EGFLAM: variants seen among roughly 807,000 people sequenced by gnomAD.
EGFLAM encodes pikachurin.
A neutral mutation model predicts 113.1 loss-of-function variants in EGFLAM; 79 were observed. The ratio of observed to expected loss-of-function variants is 0.70; its 90% CI spans 0.58 to 0.84. The LOEUF (loss-of-function observed/expected upper bound fraction) is 0.84. Among genes scored for constraint, EGFLAM ranks in the 40% least tolerant of loss-of-function variants. The pLI, the probability that EGFLAM is intolerant of heterozygous loss-of-function variation, is 0.00. For missense variants in EGFLAM, 1,265 were observed against 1,291.6 expected (o/e 0.98, Z 0.32); for synonymous variants, 504 against 487.6 (o/e 1.03, Z -0.44).
At chr5:38,383,623 G>GC (rs561336156) in intron 6 of EGFLAM, among the ~76,000 whole-genome samples, 3 of 152,092 alleles carry the variant, frequency 2.0e-5, no homozygotes, top group Non-Finnish European at 4.4e-5. Flanking sequence ...TAGTGTCTCC[G>GC]CCCTCATGAG....
intron 1 of EGFLAM, among the ~76,000 whole-genome samples, chr5:38,326,800 T>C (rs1435633971): frequency 7.1e-6 from 1 of 141,046 alleles, no homozygotes; most frequent in African/African-American, 2.6e-5. Context: ...CCCGTAAGGG[T>C]ATTTTTTTTT....
intron 17 of EGFLAM, among the ~76,000 whole-genome samples, chr5:38,442,215 A>G (rs1206717743): frequency 6.6e-6 from 1 of 151,564 alleles, no homozygotes; most frequent in Non-Finnish European, 1.5e-5. Context: ...TTAATAAAAC[A>G]CATAAATTAT....
intron 1 of EGFLAM, among the ~76,000 whole-genome samples, chr5:38,324,622 G>A (rs1738830390): frequency 6.6e-6 from 1 of 151,970 alleles, no homozygotes; most frequent in Non-Finnish European, 1.5e-5. Context: ...CAATCCAATG[G>A]CCCCAGCCTT....
chr5:38,289,273 C>A (rs1267668607), intron 1 of EGFLAM, among the ~76,000 whole-genome samples: 1 of 149,170 alleles, frequency 6.7e-6, no homozygotes, highest in South Asian at 2.1e-4. Context: ...CTTTCTTTCC[C>A]CGCCCCCACA....
intron 11 of EGFLAM, among the ~76,000 whole-genome samples, chr5:38,413,981 CG>C (rs1741565517): frequency 6.6e-6 from 1 of 152,168 alleles, no homozygotes; most frequent in Non-Finnish European, 1.5e-5. Flanking sequence ...TGACAGAAGA[CG>C]GAGCTCAGGC....
intron 1 of EGFLAM, among the ~76,000 whole-genome samples, chr5:38,296,663 A>G (rs1040748804): frequency 3.3e-5 from 5 of 151,646 alleles, no homozygotes; most frequent in Middle Eastern, 3.2e-3. Flanking sequence ...GCACCCAAAT[A>G]TATTTATTAA....
rs202176859 is a variant in EGFLAM, at chr5:38,435,194, T to C, written c.2224T>C (p.Tyr742His). The C allele has an allele frequency of 1.1e-5, 18 of 1,614,102 alleles. No homozygotes were observed. The highest frequency in any genetic ancestry group is 1.6e-4 in the Middle Eastern group (1 of 6,062). ...CATTTTCATTGGCGGAGTCCCCAAT[T>C]ATGATGATGTGAAGAAGAACTCGGG... ...TDIFIGGVPNYDDVKKNSGVL... is the reference protein window; with the variant it reads ...TDIFIGGVPNHDDVKKNSGVL... The change falls in exon 16 of 22, where the codon TAT (tyrosine) becomes CAT (histidine). Residue 742 changes from tyrosine to histidine, a missense_variant. Coordinates refer to ENST00000322350, the MANE Select transcript of EGFLAM (RefSeq NM_152403.4).
At position 38,445,690 on chromosome 5, in the gene EGFLAM, T is replaced by C. The variant is rs778276251; in HGVS notation, c.2465-2611T>C. ...CTGGCACCGGGCAGAGTGTGGGAAC[T>C]ACTGCCTCAATAGTAAGTACAGTAA... is the stretch of plus-strand genomic sequence containing the variant. On this transcript the variant is annotated intron_variant, in intron 17 of 21. Transcript: ENST00000322350. 6.3e-6 allele frequency: 10 copies of C among 1,598,320 alleles called. No homozygotes were observed. In the Admixed American group the frequency reaches 1.7e-4, roughly 27 times the overall value.
At chr5:38,324,930 A>C (rs1308712039) in intron 1 of EGFLAM, among the ~76,000 whole-genome samples, 2 of 152,170 alleles carry the variant, frequency 1.3e-5, no homozygotes, top group African/African-American at 4.8e-5. Context: ...GATGCCACCT[A>C]CCAGGGTTAC....
At chr5:38,287,838 T>C (rs1428392444) in intron 1 of EGFLAM, among the ~76,000 whole-genome samples, 2 of 152,262 alleles carry the variant, frequency 1.3e-5, no homozygotes, top group Non-Finnish European at 2.9e-5. Flanking sequence ...GTGATTTTGC[T>C]AATCAGTCAT....
chr5:38,292,559 C>T (rs1251802894), intron 1 of EGFLAM, among the ~76,000 whole-genome samples: 7 of 152,280 alleles, frequency 4.6e-5, no homozygotes, highest in Admixed American at 6.5e-5. Flanking sequence ...ACTGAACACC[C>T]AGGTCTTGAG....
chr5:38,267,647 A>G (rs1179646470), intron 1 of EGFLAM, among the ~76,000 whole-genome samples: 1 of 152,182 alleles, frequency 6.6e-6, no homozygotes, highest in Non-Finnish European at 1.5e-5. Context: ...ACTTGAAGTA[A>G]TCCAGGCTAG....
chr5:38,373,235 A>G lies in EGFLAM; in HGVS notation c.712+2773A>G, dbSNP rs73075427. On this transcript the variant is annotated intron_variant, in intron 6 of 21. Transcript: ENST00000322350. ...TACAGATTAAAAAAAATGAGTTTTT[A>G]AAAGGTAATGTATTTTTGGCAAGGT... is the stretch of plus-strand genomic sequence containing the variant. Among the ~76,000 whole-genome samples the G allele has an allele frequency of 9.0e-3, 1,369 of 152,310 alleles. 29 individuals carry two copies. Among genetic ancestry groups the G allele is most frequent in the African/African-American group, 0.032 (1,326 of 41,568 alleles).
At position 38,338,679 on chromosome 5, in the gene EGFLAM, G is replaced by T. The variant is rs748825139; in HGVS notation, c.208-19G>T. 3.1e-6 allele frequency: 5 copies of T among 1,613,082 alleles called. No individual in the cohort carries two copies. The highest frequency in any genetic ancestry group is 2.7e-5 in the African/African-American group (2 of 75,044). The stretch of plus-strand genomic sequence containing the variant: ...AAGCACGGGCTCTGCTCTCACCAGG[G>T]TGTCTGCATCTTTTCAAGGTCTTTT... On this transcript the variant is annotated intron_variant, in intron 2 of 21. Transcript: ENST00000322350.
chr5:38,278,102 A>G (rs1757929156), intron 1 of EGFLAM, among the ~76,000 whole-genome samples: 1 of 152,216 alleles, frequency 6.6e-6, no homozygotes, highest in South Asian at 2.1e-4. Flanking sequence ...GAACAAAAAG[A>G]ACAAAGCTGG....
chr5:38,402,056 G>A (rs1345597719), intron 6 of EGFLAM: 1 of 152,140 alleles, frequency 6.6e-6, no homozygotes, highest in African/African-American at 2.4e-5. Context: ...TCCATAGAAT[G>A]CATGCCCTCT....
At chr5:38,431,128 T>C (rs573652948) in intron 14 of EGFLAM, 49 bp from the exon 15 acceptor site, 1 of 1,547,876 alleles carries the variant, frequency 6.5e-7, no homozygotes, top group South Asian at 1.1e-5. Flanking sequence ...GCATTCCTTA[T>C]CCTAATCAAC....
chr5:38,344,881 T>C (rs1739435623), intron 3 of EGFLAM, among the ~76,000 whole-genome samples: 1 of 152,146 alleles, frequency 6.6e-6, no homozygotes, highest in South Asian at 2.1e-4. Context: ...TCACAACCTA[T>C]TGGACAGAAT....
At chr5:38,397,420 A>G (rs1486157998) in intron 6 of EGFLAM, among the ~76,000 whole-genome samples, 1 of 152,182 alleles carries the variant, frequency 6.6e-6, no homozygotes, top group Non-Finnish European at 1.5e-5. Flanking sequence ...ACTCACTCAC[A>G]CAGCAAGTAC....
Sources: gnomAD v4.1 joint callset for allele counts (sites outside exome capture counted in the v4.1 genomes callset) on GRCh38, gnomAD v4.1.1 for gene constraint, MANE v1.5 for transcripts, NCBI Gene and HGNC (gene_info 2026-07-23, HGNC 2026-07-21) for gene names.